Variants in GLIS3 observed in about 807,000 individuals in gnomAD.
GLIS3 encodes zinc finger protein GLIS3.
A neutral mutation model predicts 78.6 loss-of-function variants in GLIS3; 53 were observed. The ratio of observed to expected loss-of-function variants is 0.67; its 90% CI spans 0.54 to 0.85. GLIS3 has a LOEUF of 0.85. Ranked by LOEUF, GLIS3 falls within the 40% of genes least tolerant of loss-of-function variation. GLIS3 has a pLI of 0.00. For synonymous variants in GLIS3, 684 were observed against 509.9 expected, an observed-to-expected ratio of 1.34 and a Z score of -4.60; for missense variants, 1,703 against 1,231.1, an observed-to-expected ratio of 1.38 and a Z score of -5.74.
At chr9:4,358,217 A>C in the GLIS3 span, among the ~76,000 whole-genome samples, 2 of 152,220 alleles carry the variant, frequency 1.3e-5, no homozygotes, top group Non-Finnish European at 2.9e-5. Context: ...AGTTGCTGCT[A>C]GAAAGTGAGA....
At chr9:4,053,454 C>T (rs939642408) in intron 4 of GLIS3, among the ~76,000 whole-genome samples, 17 of 152,156 alleles carry the variant, frequency 1.1e-4, no homozygotes, top group African/African-American at 3.6e-4. Flanking sequence ...CTTTCAGATT[C>T]CCCCAAATTA....
chr9:4,334,822 G>A (rs1479856020), intron 2 of GLIS3, among the ~76,000 whole-genome samples: 5 of 151,524 alleles, frequency 3.3e-5, no homozygotes, highest in African/African-American at 1.2e-4. Flanking sequence ...TTAAAAGCAT[G>A]CCCAGCCATG....
At chr9:4,446,366 A>C in the GLIS3 span, among the ~76,000 whole-genome samples, 1 of 152,138 alleles carries the variant, frequency 6.6e-6, no homozygotes, top group Non-Finnish European at 1.5e-5. Context: ...CCAGACACTA[A>C]ATCTGCTGAT....
At chr9:4,000,784 G>A (rs1821076121) in intron 4 of GLIS3, among the ~76,000 whole-genome samples, 2 of 152,130 alleles carry the variant, frequency 1.3e-5, no homozygotes, top group African/African-American at 4.8e-5. Flanking sequence ...CAAGCCCATA[G>A]CTGAGCTATG....
At chr9:4,342,448 G>A (rs748504748) in intron 2 of GLIS3, among the ~76,000 whole-genome samples, 2 of 152,124 alleles carry the variant, frequency 1.3e-5, no homozygotes, top group Non-Finnish European at 2.9e-5. Context: ...CTGTTCCATT[G>A]GTCTATGTGT....
intron 4 of GLIS3, among the ~76,000 whole-genome samples, chr9:4,011,786 C>G (rs1347754318): frequency 6.6e-6 from 1 of 152,170 alleles, no homozygotes; most frequent in Non-Finnish European, 1.5e-5. Context: ...TTGATTCTAC[C>G]CTTCCTGAAA....
chr9:4,136,212 T>A (rs1564101937), intron 2 of GLIS3, among the ~76,000 whole-genome samples: 1 of 152,188 alleles, frequency 6.6e-6, no homozygotes, highest in Non-Finnish European at 1.5e-5. Flanking sequence ...TATACTCACC[T>A]AGGAACAATC....
intron 4 of GLIS3, among the ~76,000 whole-genome samples, chr9:4,115,263 T>C (rs1277033129): frequency 2.0e-5 from 3 of 152,126 alleles, no homozygotes; most frequent in Non-Finnish European, 2.9e-5. Flanking sequence ...AACTAAAAAA[T>C]GGCCCGGCTC....
At chr9:4,171,238 T>C (rs747415113) in intron 2 of GLIS3, among the ~76,000 whole-genome samples, 1 of 152,152 alleles carries the variant, frequency 6.6e-6, no homozygotes, top group Non-Finnish European at 1.5e-5. Context: ...ACCATAACAG[T>C]ATAAAGATAA....
intron 2 of GLIS3, among the ~76,000 whole-genome samples, chr9:4,323,617 A>G (rs1817566541): frequency 6.6e-6 from 1 of 152,160 alleles, no homozygotes. Flanking sequence ...TCTGACCTTC[A>G]TAACTAGGTC....
chr9:4,309,770 A>G (rs1239307456), intron 3 of GLIS3, among the ~76,000 whole-genome samples: 1 of 151,946 alleles, frequency 6.6e-6, no homozygotes, highest in Non-Finnish European at 1.5e-5. Context: ...TCTTCACATG[A>G]CATCAGGAGA....
the GLIS3 span, among the ~76,000 whole-genome samples, chr9:4,394,041 C>A: frequency 6.6e-6 from 1 of 151,772 alleles, no homozygotes; most frequent in East Asian, 1.9e-4. Context: ...TTGCTGAACC[C>A]AGTTCCATTA....
intron 9 of GLIS3, among the ~76,000 whole-genome samples, chr9:3,847,313 A>G (rs1419869700): frequency 6.6e-6 from 1 of 152,212 alleles, no homozygotes; most frequent in Non-Finnish European, 1.5e-5. Flanking sequence ...CAATTTTGCC[A>G]AGGACTGGCT....
chr9:4,157,052 C>T (rs1835093463), intron 2 of GLIS3, among the ~76,000 whole-genome samples: 1 of 152,178 alleles, frequency 6.6e-6, no homozygotes. Flanking sequence ...GTAACGCTTC[C>T]ATTAACATAT....
intron 2 of GLIS3, among the ~76,000 whole-genome samples, chr9:4,197,304 T>A (rs2131248839): frequency 6.6e-6 from 1 of 152,272 alleles, no homozygotes; most frequent in Non-Finnish European, 1.5e-5. Context: ...TCCAGACATT[T>A]GGAGCACCCA....
intron 2 of GLIS3, among the ~76,000 whole-genome samples, chr9:4,180,371 C>T (rs571991047): frequency 2.4e-4 from 36 of 152,264 alleles, no homozygotes; most frequent in African/African-American, 7.9e-4. Flanking sequence ...AAGAACAAAG[C>T]CTCTCTGCCT....
chr9:4,288,289 C>T (rs943325718), intron 1 of GLIS3, among the ~76,000 whole-genome samples: 22 of 151,942 alleles, frequency 1.4e-4, no homozygotes, highest in African/African-American at 5.3e-4. Context: ...CACTCTGAAC[C>T]CTGCAGAAGA....
chr9:4,279,572 C>A (rs574759234), intron 2 of GLIS3, among the ~76,000 whole-genome samples: 54 of 151,536 alleles, frequency 3.6e-4, no homozygotes, highest in African/African-American at 1.2e-3. Flanking sequence ...TTGTGAAAAC[C>A]TGGGAGGCTG....
chr9:4,226,265 G>T (rs1821760665), intron 2 of GLIS3, among the ~76,000 whole-genome samples: 1 of 152,050 alleles, frequency 6.6e-6, no homozygotes, highest in Non-Finnish European at 1.5e-5. Flanking sequence ...TAATTATTTT[G>T]TTCTTATTTA....
Sources: allele counts gnomAD v4.1 joint callset (sites outside exome capture counted in the v4.1 genomes callset), GRCh38; gene constraint gnomAD v4.1.1; transcripts MANE v1.5; gene names NCBI Gene and HGNC (gene_info 2026-07-23, HGNC 2026-07-21).